RNF150: variants seen among roughly 807,000 people sequenced by gnomAD.
RNF150 encodes the protein ring finger protein 150.
RNF150 carries 24 observed loss-of-function variants against 39.3 expected under a neutral mutation model. That is an observed-to-expected ratio of 0.61 (90% CI 0.44 to 0.86). The LOEUF (loss-of-function observed/expected upper bound fraction) is 0.86. RNF150 is among the 40% of genes least tolerant of loss of function. The pLI is 0.00. For missense variants in RNF150, 502 were observed against 587.8 expected (o/e 0.85, Z 1.51); for synonymous variants, 255 against 227.3 (o/e 1.12, Z -1.10).
At chr4:140,887,458 C>G (rs1259381791) in intron 6 of RNF150, among the ~76,000 whole-genome samples, 2 of 152,200 alleles carry the variant, frequency 1.3e-5, no homozygotes, top group Non-Finnish European at 2.9e-5. Flanking sequence ...TTTCTGGGCT[C>G]CTTCTTTGCC....
chr4:140,923,719 C>T (rs1445410491), intron 5 of RNF150, among the ~76,000 whole-genome samples: 1 of 152,128 alleles, frequency 6.6e-6, no homozygotes, highest in Non-Finnish European at 1.5e-5. Flanking sequence ...TTGGAACCAA[C>T]CCAAATGTCC....
intron 1 of RNF150, among the ~76,000 whole-genome samples, chr4:141,013,518 G>C (rs1476300613): frequency 6.6e-6 from 1 of 152,122 alleles, no homozygotes; most frequent in Non-Finnish European, 1.5e-5. Flanking sequence ...ACATTCCAAA[G>C]AGTGGCTCTT....
At chr4:140,983,732 T>A (rs1175345527) in intron 1 of RNF150, among the ~76,000 whole-genome samples, 1 of 150,650 alleles carries the variant, frequency 6.6e-6, no homozygotes, top group African/African-American at 2.5e-5. Flanking sequence ...GTATGTTGTA[T>A]AACTGCCTTT....
chr4:141,118,860 A>C (rs1726515936), intron 1 of RNF150, among the ~76,000 whole-genome samples: 1 of 152,106 alleles, frequency 6.6e-6, no homozygotes, highest in Non-Finnish European at 1.5e-5. Context: ...TCCTGGGTTC[A>C]AGCGATTCTC....
intron 1 of RNF150, among the ~76,000 whole-genome samples, chr4:141,061,244 T>C (rs192068411): frequency 5.3e-5 from 8 of 152,300 alleles, no homozygotes; most frequent in Non-Finnish European, 1.2e-4. Context: ...CGCAGAAGAT[T>C]CCATGCAGAT....
intron 2 of RNF150, among the ~76,000 whole-genome samples, chr4:140,960,550 T>G (rs528590814): frequency 3.3e-5 from 5 of 152,272 alleles, no homozygotes; most frequent in African/African-American, 1.2e-4. Flanking sequence ...AATTTTCAGA[T>G]TCCCTCACTC....
intron 2 of RNF150, among the ~76,000 whole-genome samples, chr4:140,964,950 A>AG (rs573861992): frequency 3.9e-5 from 6 of 151,952 alleles, no homozygotes; most frequent in Non-Finnish European, 5.9e-5. Context: ...ACTGCATATG[A>AG]GGGGGGGAGA....
At chr4:141,113,789 T>C (rs1411613590) in intron 1 of RNF150, among the ~76,000 whole-genome samples, 2 of 152,132 alleles carry the variant, frequency 1.3e-5, no homozygotes, top group Admixed American at 6.5e-5. Context: ...CCTCAGCAAA[T>C]GCAAAAGAAC....
intron 1 of RNF150, among the ~76,000 whole-genome samples, chr4:140,974,941 C>A: frequency 6.6e-6 from 1 of 152,204 alleles, no homozygotes; most frequent in South Asian, 2.1e-4. Context: ...CTTTGATCTG[C>A]AACCAAATGT....
chr4:140,888,563 G>C (rs993126768), intron 6 of RNF150, among the ~76,000 whole-genome samples: 1 of 152,092 alleles, frequency 6.6e-6, no homozygotes, highest in African/African-American at 2.4e-5. Context: ...ATGAGTTTAG[G>C]GTGAAAATAA....
At chr4:141,049,042 C>G (rs1736684095) in intron 1 of RNF150, among the ~76,000 whole-genome samples, 1 of 152,048 alleles carries the variant, frequency 6.6e-6, no homozygotes, top group South Asian at 2.1e-4. Flanking sequence ...TTCTGAGCAG[C>G]CAGTATTATG....
intron 1 of RNF150, among the ~76,000 whole-genome samples, chr4:141,211,315 A>G (rs1728460492): frequency 6.6e-6 from 1 of 152,202 alleles, no homozygotes; most frequent in South Asian, 2.1e-4. Flanking sequence ...GGTTAATTAC[A>G]GAAGCAGATG....
At chr4:140,869,892 AG>A (rs143662657) in intron 6 of RNF150, among the ~76,000 whole-genome samples, 26,040 of 152,182 alleles carry the variant, frequency 0.17, 2,757 homozygotes, top group Middle Eastern at 0.31. Context: ...GCATAAAGGC[AG>A]CTTTCAACCC....
chr4:140,886,955 T>C (rs1296131579), intron 6 of RNF150, among the ~76,000 whole-genome samples: 1 of 152,220 alleles, frequency 6.6e-6, no homozygotes, highest in Middle Eastern at 3.2e-3. Flanking sequence ...GATCTATGAC[T>C]CATTTCAAGC....
At chr4:140,910,882 A>G (rs901053881) in intron 6 of RNF150, among the ~76,000 whole-genome samples, 3 of 152,134 alleles carry the variant, frequency 2.0e-5, no homozygotes, top group South Asian at 2.1e-4. Flanking sequence ...GCGGACATGG[A>G]GAGTGTGCAA....
At chr4:141,166,818 C>T (rs1209619463) in intron 1 of RNF150, among the ~76,000 whole-genome samples, 1 of 152,152 alleles carries the variant, frequency 6.6e-6, no homozygotes, top group East Asian at 1.9e-4. Flanking sequence ...CTATTTATGA[C>T]AAACCCACAG....
At chr4:140,909,355 C>T (rs1042750802) in intron 6 of RNF150, among the ~76,000 whole-genome samples, 1 of 152,002 alleles carries the variant, frequency 6.6e-6, no homozygotes, top group African/African-American at 2.4e-5. Flanking sequence ...TACAGTGTCT[C>T]AATAGTTTTA....
intron 4 of RNF150, among the ~76,000 whole-genome samples, chr4:140,932,039 C>T (rs1275926834): frequency 6.6e-6 from 1 of 152,170 alleles, no homozygotes; most frequent in Non-Finnish European, 1.5e-5. Flanking sequence ...ACCCTAACAC[C>T]CTGCAAGTGA....
chr4:140,901,311 A>G (rs1037498920), intron 6 of RNF150, among the ~76,000 whole-genome samples: 11 of 24,358 alleles, frequency 4.5e-4, no homozygotes, highest in African/African-American at 8.0e-4. Flanking sequence ...ATGATAAATA[A>G]TAAATCAGTC....
Sources: allele counts gnomAD v4.1 joint callset (sites outside exome capture counted in the v4.1 genomes callset), GRCh38; gene constraint gnomAD v4.1.1; transcripts MANE v1.5; gene names NCBI Gene and HGNC (gene_info 2026-07-23, HGNC 2026-07-21).